Variants in AR observed in about 807,000 individuals in gnomAD.
AR encodes the protein dihydrotestosterone receptor.
Under a neutral mutation model 53.9 loss-of-function variants are expected in AR, and 8 were observed. The ratio of observed to expected loss-of-function variants is 0.15; its 90% CI spans 0.09 to 0.27. The LOEUF (loss-of-function observed/expected upper bound fraction) is 0.27, where lower values mean the gene tolerates loss of function less well. Among genes scored for constraint, AR ranks in the 10% least tolerant of loss-of-function variants. AR has a pLI of 1.00. For missense variants in AR, 639 were observed against 742.5 expected (o/e 0.86, Z 1.62); for synonymous variants, 359 against 316.4 (o/e 1.13, Z -1.43).
chrX:67,719,935 G>A (rs927738204), intron 5 of AR, among the ~76,000 whole-genome samples: 3 of 112,076 alleles, frequency 2.7e-5, no homozygotes, highest in African/African-American at 9.7e-5. Flanking sequence ...TCTATTATCA[G>A]CCCTGTTTTT....
chrX:67,691,377 A>C (rs1046564005), intron 3 of AR, among the ~76,000 whole-genome samples: 1 of 112,217 alleles, frequency 8.9e-6, no homozygotes, highest in Non-Finnish European at 1.9e-5. Context: ...GACATGTTCC[A>C]TGAAAAATAT....
At chrX:67,673,369 GTCTC>G (rs3070073) in intron 2 of AR, among the ~76,000 whole-genome samples, 53 of 97,603 alleles carry the variant, frequency 5.4e-4, no homozygotes, top group African/African-American at 1.8e-3. Flanking sequence ...TTCTCTCTCT[GTCTC>G]TCTCTCTCTC....
chrX:67,685,987 A>C, intron 2 of AR, 23 bp from the exon 3 acceptor site: 1 of 1,209,766 alleles, frequency 8.3e-7, no homozygotes, highest in African/African-American at 1.7e-5. Flanking sequence ...CAGGTCTATC[A>C]ACTCTTGTAT....
At chrX:67,601,442 T>C (rs1427078986) in intron 1 of AR, among the ~76,000 whole-genome samples, 1 of 111,798 alleles carries the variant, frequency 8.9e-6, no homozygotes, top group African/African-American at 3.3e-5. Context: ...ATTTCAGCGT[T>C]AGAAGAGCTC....
At chrX:67,687,154 C>T (rs1412756231) in intron 3 of AR, among the ~76,000 whole-genome samples, 1 of 111,686 alleles carries the variant, frequency 9.0e-6, no homozygotes, top group African/African-American at 3.3e-5. Flanking sequence ...AACCCTCTCC[C>T]CTCTCCTCTT....
At chrX:67,601,501 C>T (rs918127355) in intron 1 of AR, among the ~76,000 whole-genome samples, 1 of 111,504 alleles carries the variant, frequency 9.0e-6, no homozygotes, top group African/African-American at 3.3e-5. Context: ...CTTGAAATCC[C>T]CTTGCAGTAG....
intron 1 of AR, among the ~76,000 whole-genome samples, chrX:67,569,946 G>T (rs962883042): frequency 2.5e-4 from 28 of 111,649 alleles, no homozygotes; most frequent in Non-Finnish European, 2.4e-4. Flanking sequence ...ATCTTAGTTT[G>T]TATTTCTCTG....
At chrX:67,706,928 G>T (rs951882459) in intron 3 of AR, among the ~76,000 whole-genome samples, 3 of 112,051 alleles carry the variant, frequency 2.7e-5, no homozygotes, top group African/African-American at 9.7e-5. Flanking sequence ...TCAGGAGCAG[G>T]TTGTTCAGTT....
chrX:67,643,761 G>A (rs916672712), intron 2 of AR, among the ~76,000 whole-genome samples: 1 of 111,928 alleles, frequency 8.9e-6, no homozygotes, highest in African/African-American at 3.2e-5. Flanking sequence ...TTATTAGAGA[G>A]GTTAGAAGTG....
chrX:67,675,216 A>G (rs925474370), intron 2 of AR, among the ~76,000 whole-genome samples: 2 of 107,874 alleles, frequency 1.9e-5, no homozygotes, highest in African/African-American at 6.8e-5. Context: ...CTTCAAGCAG[A>G]AGGAATGAGT....
chrX:67,629,537 T>C (rs2147411045), intron 1 of AR, among the ~76,000 whole-genome samples: 1 of 109,177 alleles, frequency 9.2e-6, no homozygotes, highest in East Asian at 2.9e-4. Context: ...TTTTTTTCTT[T>C]ATTAGTCTTG....
intron 3 of AR, chrX:67,695,360 T>C: frequency 1.3e-6 from 1 of 753,655 alleles, no homozygotes; most frequent in African/African-American, 2.3e-5. Flanking sequence ...GATTTCTGCT[T>C]CTCCAGGAGA....
intron 1 of AR, among the ~76,000 whole-genome samples, chrX:67,631,428 G>A (rs994059813): frequency 1.1e-4 from 12 of 111,632 alleles, no homozygotes; most frequent in Non-Finnish European, 1.3e-4. Flanking sequence ...CCAGTTGATC[G>A]CATTGGCTCC....
intron 1 of AR, among the ~76,000 whole-genome samples, chrX:67,591,126 G>A (rs925724701): frequency 2.7e-5 from 3 of 110,929 alleles, no homozygotes; most frequent in Non-Finnish European, 5.7e-5. Flanking sequence ...GCCCGAGAGA[G>A]AAAAAAATTT....
Position 67,706,145 on chromosome X carries a change from A to T in AR, c.1886-5257A>T, listed in dbSNP as rs781449528. ...GTCTCTGCCAGGCTTTGGTATCAGG[A>T]TGATGCTGGCCTCATAAAATGAGTT... On this transcript the variant is annotated intron_variant, in intron 3 of 7. Coordinates refer to ENST00000374690, the MANE Select transcript of AR (RefSeq NM_000044.6). 4.5e-5 allele frequency among the ~76,000 whole-genome samples: 5 copies of T among 111,654 alleles called. No individual in the cohort carries two copies. The South Asian group carries it at 1.9e-3, about 42-fold the overall frequency.
chrX:67,649,274 T>C (rs1273982073), intron 2 of AR, among the ~76,000 whole-genome samples: 3 of 112,502 alleles, frequency 2.7e-5, no homozygotes, highest in South Asian at 3.6e-4. Flanking sequence ...CAGTATATCA[T>C]TGATGGGCAT....
intron 1 of AR, among the ~76,000 whole-genome samples, chrX:67,630,442 CAG>C (rs922237045): frequency 1.8e-5 from 2 of 111,101 alleles, no homozygotes; most frequent in Non-Finnish European, 3.8e-5. Context: ...TCTGTTTTAT[CAG>C]AGACTAGAAT....
At chrX:67,676,841 T>A (rs985515273) in intron 2 of AR, among the ~76,000 whole-genome samples, 2 of 112,015 alleles carry the variant, frequency 1.8e-5, no homozygotes, top group Non-Finnish European at 3.8e-5. Flanking sequence ...TTTTCTGCAG[T>A]GAGGGTGTCT....
intron 2 of AR, among the ~76,000 whole-genome samples, chrX:67,654,330 G>T (rs1244009788): frequency 9.0e-6 from 1 of 111,320 alleles, no homozygotes; most frequent in Non-Finnish European, 1.9e-5. Flanking sequence ...GGTATCTATG[G>T]TATTCCCCAG....
Sources: allele counts gnomAD v4.1 joint callset (sites outside exome capture counted in the v4.1 genomes callset), GRCh38; gene constraint gnomAD v4.1.1; transcripts MANE v1.5; gene names NCBI Gene and HGNC (gene_info 2026-07-23, HGNC 2026-07-21).